Variants in SLC6A13 observed in about 807,000 individuals in gnomAD.
The protein encoded by SLC6A13 is sodium- and chloride-dependent GABA transporter 2.
Under a neutral mutation model 72.9 loss-of-function variants are expected in SLC6A13, and 69 were observed. The ratio of observed to expected loss-of-function variants is 0.95; its 90% CI spans 0.78 to 1.16. The LOEUF (loss-of-function observed/expected upper bound fraction) is 1.16. Among genes scored for constraint, SLC6A13 ranks in the 50% most tolerant of loss-of-function variants. The pLI is 0.00. For synonymous variants in SLC6A13, 303 were observed against 303.0 expected, an observed-to-expected ratio of 1.00 and a Z score of 0.00; for missense variants, 735 against 760.5, an observed-to-expected ratio of 0.97 and a Z score of 0.39.
chr12:221,172 C>T, intron 14 of SLC6A13, 102 bp from the exon 15 acceptor site: 1 of 1,443,694 alleles, frequency 6.9e-7, no homozygotes, highest in Non-Finnish European at 9.2e-7. Flanking sequence ...ACAAACCTGC[C>T]CTCCTGTCAT....
At chr12:231,672 G>T (rs1427523304) in intron 7 of SLC6A13, among the ~76,000 whole-genome samples, 1 of 152,188 alleles carries the variant, frequency 6.6e-6, no homozygotes, top group East Asian at 1.9e-4. Flanking sequence ...GGAAAGAATG[G>T]TATCCCAGAG....
chr12:258,219 C>T (rs1045600493), intron 2 of SLC6A13, among the ~76,000 whole-genome samples: 1 of 152,218 alleles, frequency 6.6e-6, no homozygotes, highest in Admixed American at 6.5e-5. Flanking sequence ...CACGACAGCC[C>T]ATTTTCATCC....
chr12:226,823 C>G (rs1013312718), intron 8 of SLC6A13: 2 of 273,024 alleles, frequency 7.3e-6, no homozygotes, highest in Non-Finnish European at 1.4e-5. Context: ...CTCTCTACCA[C>G]GTAGGTCCAC....
intron 7 of SLC6A13, 46 bp from the exon 8 acceptor site, chr12:227,714 G>T (rs1347876508): frequency 6.7e-7 from 1 of 1,490,702 alleles, no homozygotes. Flanking sequence ...GGAAAGCCAG[G>T]CCATTCAAGC....
intron 4 of SLC6A13, among the ~76,000 whole-genome samples, chr12:239,174 CT>C (rs1207957827): frequency 6.7e-6 from 1 of 149,874 alleles, no homozygotes; most frequent in African/African-American, 2.5e-5. Context: ...TTCCCTGCCC[CT>C]TCAGCCACGT....
chr12:246,226 G>A (rs767759323), intron 2 of SLC6A13, among the ~76,000 whole-genome samples: 2 of 152,128 alleles, frequency 1.3e-5, no homozygotes, highest in Non-Finnish European at 2.9e-5. Flanking sequence ...GCTGAACCAG[G>A]AGAATTGCTT....
intron 7 of SLC6A13, among the ~76,000 whole-genome samples, chr12:234,443 C>T (rs181000286): frequency 6.6e-6 from 1 of 152,322 alleles, no homozygotes; most frequent in East Asian, 1.9e-4. Context: ...TGGGGCTGCC[C>T]TGCCTATGGA....
In SLC6A13 at chr12:221,547, C is replaced by T; in HGVS notation, c.1516-1G>A. 3 of 1,558,556 alleles carry T rather than the reference C, an allele frequency of 1.9e-6. No individual in the cohort carries two copies. The highest frequency in any genetic ancestry group is 2.4e-5 in the South Asian group (2 of 84,572). ...TTATCAGGGAGAAGAGAAAGGTGGC[C>T]TGAGGGGGAGAGCAGAAGAGAAAGG... is the stretch of plus-strand genomic sequence containing the variant. On this transcript the variant is annotated splice_acceptor_variant, in intron 13 of 14. Coordinates refer to ENST00000343164, the MANE Select transcript of SLC6A13 (RefSeq NM_016615.5). LOFTEE classifies it high-confidence loss of function.
At chr12:228,755 G>C (rs1941579779) in intron 7 of SLC6A13, among the ~76,000 whole-genome samples, 1 of 152,100 alleles carries the variant, frequency 6.6e-6, no homozygotes, top group Non-Finnish European at 1.5e-5. Context: ...GCAGTGTAGA[G>C]GCCTGAGGGA....
chr12:222,450 T>G (rs1051688100), intron 13 of SLC6A13, 82 bp downstream of exon 13: 1 of 759,070 alleles, frequency 1.3e-6, no homozygotes. Context: ...AGAAGTCCAT[T>G]GCAGGGCTAA....
At chr12:258,735 G>T (rs947367336) in intron 2 of SLC6A13, among the ~76,000 whole-genome samples, 4 of 152,198 alleles carry the variant, frequency 2.6e-5, no homozygotes, top group African/African-American at 9.7e-5. Context: ...TTCTGTCACT[G>T]CTGTGGGGAT....
intron 5 of SLC6A13, among the ~76,000 whole-genome samples, 160 bp downstream of exon 5, chr12:237,766 C>T (rs1432406654): frequency 1.3e-5 from 2 of 152,198 alleles, no homozygotes; most frequent in African/African-American, 4.8e-5. Flanking sequence ...ATCTCTGAAA[C>T]CAGTCCTGCA....
Position 224,081 on chromosome 12 carries a change from G to C in SLC6A13, c.1222C>G (p.His408Asp), listed in dbSNP as rs763187517. Residue 408 changes from histidine (H) to aspartate (D), a missense_variant, in exon 11 of 15, where the codon CAC (histidine) becomes GAC (aspartate). Transcript: ENST00000343164. The part of the protein sequence containing the change: ...LVTALVDMYP[H>D]VFRKKNRREV... ...CTCCGGTTCTTCTTGCGGAACACGT[G>C]AGGGTACATGTCCACCAGCGCTGTC... is the stretch of plus-strand genomic sequence containing the variant. 1 of 1,614,188 alleles carries C rather than the reference G, an allele frequency of 6.2e-7. No individual in the cohort carries two copies. The highest frequency in any genetic ancestry group is 8.5e-7 in the Non-Finnish European group (1 of 1,180,022).
chr12:246,613 A>G (rs1220331189), intron 2 of SLC6A13, among the ~76,000 whole-genome samples: 2 of 152,254 alleles, frequency 1.3e-5, no homozygotes, highest in African/African-American at 2.4e-5. Context: ...AGATTTAAAG[A>G]AATACATTGG....
At chr12:223,638 C>T (rs1465345674) in intron 11 of SLC6A13, 3 of 329,710 alleles carry the variant, frequency 9.1e-6, no homozygotes, top group Non-Finnish European at 1.7e-5. Context: ...CAGCCCCAGG[C>T]CTCCCTTTCT....
intron 2 of SLC6A13, among the ~76,000 whole-genome samples, chr12:256,125 G>A (rs74057647): frequency 0.027 from 4,144 of 152,128 alleles, 122 homozygotes; most frequent in African/African-American, 0.082. Context: ...CATTAATTCT[G>A]GAATGCTACC....
At chr12:222,497 C>T (rs781606314) in intron 13 of SLC6A13, 35 bp downstream of exon 13, 42 of 1,387,812 alleles carry the variant, frequency 3.0e-5, no homozygotes, top group Middle Eastern at 1.8e-4. Context: ...GTCTCTCCCT[C>T]CCTTCATCTG....
At chr12:241,044 G>A (rs1482372522) in intron 4 of SLC6A13, among the ~76,000 whole-genome samples, 3 of 152,200 alleles carry the variant, frequency 2.0e-5, no homozygotes, top group Non-Finnish European at 4.4e-5. Flanking sequence ...AGTGGCTCAC[G>A]CCTGTAATCC....
At chr12:241,913 G>A (rs1387089805) in intron 4 of SLC6A13, among the ~76,000 whole-genome samples, 1 of 152,160 alleles carries the variant, frequency 6.6e-6, no homozygotes, top group Non-Finnish European at 1.5e-5. Context: ...TATAAAATAC[G>A]GCATCTTTAC....
Sources: allele counts gnomAD v4.1 joint callset (sites outside exome capture counted in the v4.1 genomes callset), GRCh38; gene constraint gnomAD v4.1.1; transcripts MANE v1.5; gene names NCBI Gene and HGNC (gene_info 2026-07-23, HGNC 2026-07-21).